The following BUD13 variants were observed in gnomAD, a reference collection of about 807,000 sequenced individuals.
BUD13 encodes BUD13 homolog.
BUD13 carries 47 observed loss-of-function variants against 62.5 expected under a neutral mutation model. The observed-to-expected ratio is 0.75, with a 90% CI of 0.60 to 0.96. The LOEUF (loss-of-function observed/expected upper bound fraction) is 0.96. Ranked by LOEUF, BUD13 falls within the 40% of genes least tolerant of loss-of-function variation. The pLI is 0.00. For missense variants in BUD13, 821 were observed against 790.9 expected (o/e 1.04, Z -0.46); for synonymous variants, 293 against 280.1 (o/e 1.05, Z -0.46).
chr11:116,772,854 CT>C lies in BUD13; in HGVS notation c.110del (p.Lys37SerfsTer20). On this transcript the variant is annotated frameshift_variant, in exon 1 of 10. Transcript: ENST00000260210. LOFTEE classifies it high-confidence loss of function. ...GSESGRKRRK[K>X]RPKPGGAGGK... is the part of the protein sequence containing the mutation. ...CGCCGGCCCCGCCAGGCTTCGGCCG[CT>C]TTTTGCGACGCTTGCGACCGGACTC... The C allele has an allele frequency of 6.3e-7, 1 of 1,589,704 alleles. No homozygotes were observed.
chr11:116,760,909 C>T lies in BUD13; in HGVS notation c.1080G>A (p.Arg360=), dbSNP rs946254909. 3 of 1,613,854 alleles carry T rather than the reference C, an allele frequency of 1.9e-6. No homozygotes were observed. The highest frequency in any genetic ancestry group is 2.7e-5 in the African/African-American group (2 of 74,854). ...CCTGGTGCCCTGGACTTTGTTTATG[C>T]CGTGGAGAAGAAAGGTCTGAATCAG... ...KATDSDLSSP[R]HKQSPGHQDS... Residue 360 remains arginine, a synonymous_variant, in exon 5 of 10, where the codon CGG becomes CGA. Transcript: ENST00000260210.
At chr11:116,761,067 A>G (rs578203744) in intron 4 of BUD13, 115 bp from the exon 5 acceptor site, 1 of 848,046 alleles carries the variant, frequency 1.2e-6, no homozygotes, top group South Asian at 2.0e-5. Flanking sequence ...TTACATTATT[A>G]TTATTTTTTT....
At chr11:116,758,548 G>T in intron 6 of BUD13, 141 bp from the exon 7 acceptor site, 1 of 796,788 alleles carries the variant, frequency 1.3e-6, no homozygotes, top group Non-Finnish European at 1.9e-6. Context: ...ACATCTTGGT[G>T]CATATTGGCA....
intron 8 of BUD13, 23 bp from the exon 9 acceptor site, chr11:116,757,250 A>G: frequency 6.3e-7 from 1 of 1,597,084 alleles, no homozygotes; most frequent in African/African-American, 1.3e-5. Flanking sequence ...GTAAGAAAAA[A>G]GTATTCAGTT....
Position 116,757,644 on chromosome 11 carries a change from C to T in BUD13, c.1684+122G>A, listed in dbSNP as rs1303113548. ...AAAGACCAATTGAGTTGAATCTAAACTCACAAATACAATGAATTTAAATTA... is the reference window on the plus strand; with the variant it reads ...AAAGACCAATTGAGTTGAATCTAAATTCACAAATACAATGAATTTAAATTA... On this transcript the variant is annotated intron_variant, in intron 8 of 9. Transcript: ENST00000260210. 2.4e-6 allele frequency: 3 copies of T among 1,262,798 alleles called. No individual in the cohort carries two copies. In the East Asian group the frequency reaches 7.0e-5, roughly 30 times the overall value. The allele number at this position is 1,262,798 out of a possible 1,614,324, so 78.2% of individuals were successfully genotyped here. A position where few individuals can be genotyped will look rare whatever the true frequency, so the allele number is the denominator to read the frequency against.
Position 116,763,029 on chromosome 11 carries a change from G to A in BUD13, c.560C>T (p.Thr187Ile). Residue 187 changes from threonine to isoleucine, a missense_variant, in exon 4 of 10, where the codon ACT (threonine) becomes ATT (isoleucine). Transcript: ENST00000260210. ...PRRIRHDSSDTSPPRRARHDS... is the reference protein window; with the variant it reads ...PRRIRHDSSDISPPRRARHDS... ...ATGACGGGCCCTCCTTGGGGGTGAA[G>A]TGTCTGAGGAGTCATGACGGATCCT... is the stretch of plus-strand genomic sequence containing the variant. 4 of 1,613,044 alleles carry A rather than the reference G, an allele frequency of 2.5e-6. No individual in the cohort carries two copies. Among genetic ancestry groups the A allele is most frequent in the Non-Finnish European group, 2.5e-6 (3 of 1,179,566 alleles).
chr11:116,758,993 A>G, intron 6 of BUD13, 81 bp downstream of exon 6: 1 of 1,025,930 alleles, frequency 9.7e-7, no homozygotes, highest in East Asian at 2.4e-5. Context: ...TAAAAGTTCA[A>G]AATATCAGGT....
chr11:116,772,151 G>A (rs1242723311), intron 1 of BUD13, among the ~76,000 whole-genome samples: 1 of 152,002 alleles, frequency 6.6e-6, no homozygotes, highest in Admixed American at 6.5e-5. Flanking sequence ...CATCTTAACT[G>A]ATTACATCTC....
intron 3 of BUD13, 106 bp from the exon 4 acceptor site, chr11:116,763,372 G>T: frequency 2.9e-6 from 3 of 1,028,078 alleles, no homozygotes; most frequent in South Asian, 2.0e-5. Context: ...CCTCAGAACT[G>T]CTCAGAAAGC....
chr11:116,750,729 T>G (rs1940217693), intron 9 of BUD13, among the ~76,000 whole-genome samples: 1 of 152,260 alleles, frequency 6.6e-6, no homozygotes, highest in Non-Finnish European at 1.5e-5. Flanking sequence ...ATTACTGCTA[T>G]AATGGATTTG....
chr11:116,766,669 T>G (rs964941621), intron 2 of BUD13, among the ~76,000 whole-genome samples: 2 of 152,262 alleles, frequency 1.3e-5, no homozygotes, highest in African/African-American at 2.4e-5. Flanking sequence ...CCATGCTTGG[T>G]ACATGATAAA....
At chr11:116,760,320 G>C (rs1940406927) in intron 5 of BUD13, among the ~76,000 whole-genome samples, 1 of 152,232 alleles carries the variant, frequency 6.6e-6, no homozygotes, top group African/African-American at 2.4e-5. Context: ...CTGAGGTTTA[G>C]AGATATTAAG....
At position 116,758,326 on chromosome 11, in the gene BUD13, C is replaced by T; in HGVS notation, c.1442G>A (p.Arg481Lys). ...CTCTGAGTCCTTTTCTGCTTTCCTC[C>T]TTTGCTCTAAACGTTCGAGTTTCAA... is the stretch of plus-strand genomic sequence containing the variant. ...RNLKLERLEQRRKAEKDSERD... is the reference protein window; with the variant it reads ...RNLKLERLEQKRKAEKDSERD... The change falls in exon 7 of 10, where the codon AGG becomes AAG. Residue 481 changes from arginine (R) to lysine (K), a missense_variant. Arg to Lys is a conservative substitution (Grantham distance 26, BLOSUM62 2). This residue lies in a region of BUD13 where 800 missense variants were observed against 739.2 expected (regional missense o/e 1.08). Transcript: ENST00000260210. 1.9e-6 allele frequency: 3 copies of T among 1,614,194 alleles called. No individual in the cohort carries two copies. Among genetic ancestry groups the T allele is most frequent in the Non-Finnish European group, 2.5e-6 (3 of 1,180,040 alleles).
intron 9 of BUD13, among the ~76,000 whole-genome samples, chr11:116,750,225 G>A (rs1160218014): frequency 3.3e-5 from 5 of 152,134 alleles, no homozygotes; most frequent in Middle Eastern, 3.2e-3. Flanking sequence ...AGGAAGAGGA[G>A]TTTGCAAAGG....
chr11:116,750,296 G>A (rs570312656), intron 9 of BUD13, among the ~76,000 whole-genome samples: 9 of 152,270 alleles, frequency 5.9e-5, no homozygotes, highest in African/African-American at 2.2e-4. Context: ...CAATACAGGG[G>A]TGAATTTCAA....
rs780965693 is a variant in BUD13 at position 116,758,233 on chromosome 11, C to G, written c.1499+36G>C. On this transcript the variant is annotated intron_variant, in intron 7 of 9. Transcript: ENST00000260210. ...GCAGAGAAATGACTTGTTCCAGTCACTGCCATCTTGTTTACCCTTTCAGTG... is the reference window on the plus strand; with the variant it reads ...GCAGAGAAATGACTTGTTCCAGTCAGTGCCATCTTGTTTACCCTTTCAGTG... 4 of 1,610,660 alleles carry G rather than the reference C, an allele frequency of 2.5e-6. No individual in the cohort carries two copies. In the South Asian group the frequency reaches 4.4e-5, roughly 18 times the overall value.
chr11:116,758,651 G>A (rs935895798), intron 6 of BUD13, among the ~76,000 whole-genome samples: 8 of 146,192 alleles, frequency 5.5e-5, no homozygotes, highest in African/African-American at 1.3e-4. Context: ...GCAGTGGCGC[G>A]ATCTTGGCTC....
rs369716039 is a variant in BUD13, at chr11:116,758,349, C to G, written c.1419G>C (p.Leu473Phe). 30 of 1,614,204 alleles carry G rather than the reference C, an allele frequency of 1.9e-5. No homozygotes were observed. Among genetic ancestry groups the G allele is most frequent in the Non-Finnish European group, 2.5e-5 (29 of 1,180,038 alleles). ...TCCTTTGCTCTAAACGTTCGAGTTT[C>G]AAATTCCTCTTACGACCAGACTTAT... is the stretch of plus-strand genomic sequence containing the variant. ...FRDKSGRKRN[L>F]KLERLEQRRK... Residue 473 changes from leucine to phenylalanine, a missense_variant, in exon 7 of 10, where the codon TTG (leucine) becomes TTC (phenylalanine). This residue lies in a region of BUD13 where 800 missense variants were observed against 739.2 expected (regional missense o/e 1.08). Transcript: ENST00000260210.
intron 1 of BUD13, among the ~76,000 whole-genome samples, chr11:116,770,960 C>A (rs1327459400): frequency 1.3e-5 from 2 of 151,758 alleles, no homozygotes; most frequent in Admixed American, 6.6e-5. Flanking sequence ...TGCCTGACTA[C>A]TTTTTTGTAT....
Sources: gnomAD v4.1 joint callset for allele counts (sites outside exome capture counted in the v4.1 genomes callset) on GRCh38, gnomAD v4.1.1 for gene constraint, gnomAD v4.1.1 regional missense constraint, MANE v1.5 for transcripts, NCBI Gene and HGNC (gene_info 2026-07-23, HGNC 2026-07-21) for gene names.